Variants in TNNI3K observed in about 807,000 individuals in gnomAD.
The protein encoded by TNNI3K is TNNI3 interacting kinase.
A neutral mutation model predicts 114.5 loss-of-function variants in TNNI3K; 140 were observed. The ratio of observed to expected loss-of-function variants is 1.22; its 90% CI spans 1.07 to 1.41. TNNI3K has a LOEUF of 1.41. Among genes scored for constraint, TNNI3K ranks in the 40% most tolerant of loss-of-function variants. The pLI is 0.00. For synonymous variants in TNNI3K, 347 were observed against 347.5 expected (o/e 1.00, Z 0.02); for missense variants, 1,125 against 1,007.6 (o/e 1.12, Z -1.58).
At chr1:74,359,831 T>C (rs1423188383) in intron 11 of TNNI3K, among the ~76,000 whole-genome samples, 1 of 152,006 alleles carries the variant, frequency 6.6e-6, no homozygotes, top group Admixed American at 6.6e-5. Context: ...CTTGGATATC[T>C]GAGGACCCTG....
chr1:74,324,970 G>GACCTTCTGAAAGGTCAGAAGGCTCTGCAT (rs2100393834), intron 5 of TNNI3K, among the ~76,000 whole-genome samples: 1 of 152,268 alleles, frequency 6.6e-6, no homozygotes, highest in East Asian at 1.9e-4. Flanking sequence ...GAAAGGAGCA[G>GACCTTCTGAAAGGTCAGAAGGCTCTGCAT]ACCTTCTGAA....
At position 74,469,580 on chromosome 1, in the gene TNNI3K, T is replaced by A. The variant is rs547342007; in HGVS notation, c.2121+6030T>A. 370 of 86,710 alleles carry A rather than the reference T, an allele frequency of 4.3e-3. 2 individuals carry two copies. The African/African-American group carries it at 0.094, about 22-fold the overall frequency. The allele number at this position is 86,710 out of a possible 1,614,324, so 5.4% of individuals were successfully genotyped here. On this transcript the variant is annotated intron_variant, in intron 21 of 24. Transcript: ENST00000326637. ...TGTAGTTTTTCATTTGTTTAAGGCT[T>A]TTTTTTTTTCAATGTTTGCTTGCTT...
intron 2 of TNNI3K, among the ~76,000 whole-genome samples, chr1:74,238,419 G>T (rs564530501): frequency 6.6e-6 from 1 of 152,070 alleles, no homozygotes; most frequent in Non-Finnish European, 1.5e-5. Context: ...AGTAAGCATT[G>T]AGTAGTTGGA....
chr1:74,463,842 G>A lies in TNNI3K; in HGVS notation c.2121+292G>A, dbSNP rs1389055622. ...CAGCTGCAATTTTTATTAACTACGC[G>A]TGAGCCACACTTAGTCATTTTCTGA... On this transcript the variant is annotated intron_variant, in intron 21 of 24. Coordinates refer to ENST00000326637, the MANE Select transcript of TNNI3K (RefSeq NM_015978.3). Among the ~76,000 whole-genome samples, 6 of 152,180 alleles carry A rather than the reference G, an allele frequency of 3.9e-5. No homozygotes were observed. In the South Asian group the frequency reaches 6.2e-4, roughly 16 times the overall value.
chr1:74,236,994 C>A lies in TNNI3K; in HGVS notation c.149+784C>A, dbSNP rs1261790156. 2.0e-5 allele frequency among the ~76,000 whole-genome samples: 3 copies of A among 151,830 alleles called. No homozygotes were observed. In the East Asian group the frequency reaches 5.8e-4, roughly 29 times the overall value. ...TGTAATGCACTCATGGCAAAGAACT[C>A]CCTCTATTTTACTTAGAAAACAAGT... On this transcript the variant is annotated intron_variant, in intron 2 of 24. Coordinates refer to ENST00000326637, the MANE Select transcript of TNNI3K (RefSeq NM_015978.3).
intron 23 of TNNI3K, among the ~76,000 whole-genome samples, chr1:74,529,427 G>A (rs1043462882): frequency 2.6e-5 from 4 of 152,136 alleles, no homozygotes; most frequent in Admixed American, 6.5e-5. Flanking sequence ...AAAATGTCAC[G>A]GTTAGGAAAT....
In TNNI3K at chr1:74,369,431, A is replaced by T; in HGVS notation, c.1513A>T (p.Met505Leu). 1 of 1,612,026 alleles carries T rather than the reference A, an allele frequency of 6.2e-7. No individual in the cohort carries two copies. Among genetic ancestry groups the T allele is most frequent in the Non-Finnish European group, 8.5e-7 (1 of 1,178,984 alleles). The change falls in exon 16 of 25, where the codon ATG (methionine) becomes TTG (leucine). Residue 505 changes from methionine to leucine, a missense_variant. Transcript: ENST00000326637. The part of the protein sequence containing the change: ...NTYCSKSDVD[M>L]FCREVSILCQ... Reference sequence around the variant, plus strand: ...CTACTGCTCCAAGTCAGATGTGGATATGTTTTGCCGAGAGGTGTCCATTCT... The same window carrying T: ...CTACTGCTCCAAGTCAGATGTGGATTTGTTTTGCCGAGAGGTGTCCATTCT...
intron 2 of TNNI3K, among the ~76,000 whole-genome samples, chr1:74,241,641 A>G (rs1654221612): frequency 6.6e-6 from 1 of 151,640 alleles, no homozygotes; most frequent in African/African-American, 2.4e-5. Flanking sequence ...TTTTCTTGTA[A>G]ATTTGTTTGA....
chr1:74,374,224 A>G (rs1186691317), intron 17 of TNNI3K: 3 of 151,936 alleles, frequency 2.0e-5, no homozygotes, highest in Non-Finnish European at 2.9e-5. Flanking sequence ...AGGGCCAACT[A>G]TATATACTAA....
chr1:74,436,746 A>G (rs1047813199), intron 19 of TNNI3K, among the ~76,000 whole-genome samples: 4 of 152,066 alleles, frequency 2.6e-5, no homozygotes, highest in Admixed American at 6.6e-5. Flanking sequence ...AACAGTATGG[A>G]TAAAATAATA....
At chr1:74,326,360 A>G (rs1659902849) in intron 5 of TNNI3K, among the ~76,000 whole-genome samples, 1 of 152,160 alleles carries the variant, frequency 6.6e-6, no homozygotes, top group Non-Finnish European at 1.5e-5. Flanking sequence ...CTTAAAATAA[A>G]AGAGAGGGAG....
At chr1:74,314,839 C>G (rs991748627) in intron 5 of TNNI3K, among the ~76,000 whole-genome samples, 4 of 152,052 alleles carry the variant, frequency 2.6e-5, no homozygotes, top group South Asian at 2.1e-4. Flanking sequence ...GGCTCTTAAA[C>G]TATAGTTTAC....
chr1:74,459,279 A>G lies in TNNI3K; in HGVS notation c.2012-4162A>G, dbSNP rs189892949. On this transcript the variant is annotated intron_variant, in intron 20 of 24. Coordinates refer to ENST00000326637, the MANE Select transcript of TNNI3K (RefSeq NM_015978.3). ...AATAGCCAAGTACTGTGCTAGGCAC[A>G]GAAGATACAATGGTGAAAAGACACA... is the stretch of plus-strand genomic sequence containing the variant. Among the ~76,000 whole-genome samples, 17 of 152,392 alleles carry G rather than the reference A, an allele frequency of 1.1e-4. No homozygotes were observed. In the East Asian group the frequency reaches 3.1e-3, roughly 28 times the overall value.
chr1:74,451,370 G>C (rs887736114), intron 20 of TNNI3K, among the ~76,000 whole-genome samples: 3 of 152,040 alleles, frequency 2.0e-5, no homozygotes, highest in Admixed American at 1.3e-4. Context: ...TAACAAACCT[G>C]CACATCCTGC....
intron 23 of TNNI3K, among the ~76,000 whole-genome samples, chr1:74,494,003 G>A (rs1327466342): frequency 6.6e-6 from 1 of 152,166 alleles, no homozygotes; most frequent in Non-Finnish European, 1.5e-5. Context: ...CGGTTGTCAG[G>A]GGCCCCTGTT....
intron 23 of TNNI3K, among the ~76,000 whole-genome samples, chr1:74,518,449 C>G (rs1279825123): frequency 6.6e-6 from 1 of 152,106 alleles, no homozygotes; most frequent in Non-Finnish European, 1.5e-5. Context: ...GTTATAGACT[C>G]TTGGTTGCTT....
Position 74,477,713 on chromosome 1 carries a change from G to C in TNNI3K, c.2122-11476G>C, listed in dbSNP as rs371289395. Among the ~76,000 whole-genome samples, 6 of 152,142 alleles carry C rather than the reference G, an allele frequency of 3.9e-5. No homozygotes were observed. In the East Asian group the frequency reaches 1.2e-3, roughly 29 times the overall value. On this transcript the variant is annotated intron_variant, in intron 21 of 24. Transcript: ENST00000326637. ...GGTATATATCTGTATCCCATTACCA[G>C]TCAGGTATGGTCACTTTCCATTAGT...
rs115434038 is a variant in TNNI3K, at chr1:74,255,530, A to T, written c.333+4761A>T. Among the ~76,000 whole-genome samples the T allele has an allele frequency of 2.7e-3, 407 of 152,312 alleles. 2 individuals are homozygous for T. The highest frequency in any genetic ancestry group is 9.1e-3 in the African/African-American group (379 of 41,552). On this transcript the variant is annotated intron_variant, in intron 4 of 24. Transcript: ENST00000326637. ...AATAGAGTAATCTCTGCTTTCATTA[A>T]TAAAAGTGAAGCAGATATTTAGCTA...
chr1:74,481,579 C>T (rs1281392586), intron 21 of TNNI3K, among the ~76,000 whole-genome samples: 1 of 152,180 alleles, frequency 6.6e-6, no homozygotes, highest in Admixed American at 6.6e-5. Flanking sequence ...GTGGGGTTCT[C>T]ATTATAGTCT....
Sources: gnomAD v4.1 joint callset for allele counts (sites outside exome capture counted in the v4.1 genomes callset) on GRCh38, gnomAD v4.1.1 for gene constraint, MANE v1.5 for transcripts, NCBI Gene and HGNC (gene_info 2026-07-23, HGNC 2026-07-21) for gene names.